Variants in IP6K1 observed in about 807,000 individuals in gnomAD.
IP6K1 encodes the protein inositol hexakisphosphate kinase 1, also known as ATP:1D-myo-inositol-hexakisphosphate phosphotransferase.
Under a neutral mutation model 38.3 loss-of-function variants are expected in IP6K1, and 13 were observed. That is an observed-to-expected ratio of 0.34 (90% CI 0.22 to 0.54). The LOEUF is 0.54. Among genes scored for constraint, IP6K1 ranks in the 20% least tolerant of loss-of-function variants. IP6K1 has a pLI of 0.92. For synonymous variants in IP6K1, 212 were observed against 229.9 expected, an observed-to-expected ratio of 0.92 and a Z score of 0.70; for missense variants, 397 against 599.8, an observed-to-expected ratio of 0.66 and a Z score of 3.53.
At chr3:49,784,456 A>ATC (rs2081093690) in intron 1 of IP6K1, among the ~76,000 whole-genome samples, 2 of 151,650 alleles carry the variant, frequency 1.3e-5, no homozygotes, top group Non-Finnish European at 2.9e-5. Flanking sequence ...ATCAGCCTGA[A>ATC]CAACATGGTG....
Position 49,772,214 on chromosome 3 carries a change from T to TAA in IP6K1, c.-129+14138_-129+14139dup, listed in dbSNP as rs34560942. 2.6e-3 allele frequency among the ~76,000 whole-genome samples: 360 copies of TAA among 139,296 alleles called. 3 individuals are homozygous for TAA. Among genetic ancestry groups the TAA allele is most frequent in the African/African-American group, 5.4e-3 (204 of 37,584 alleles). The allele number at this position is 139,296 out of a possible 152,430, so 91.4% of individuals were successfully genotyped here. On this transcript the variant is annotated intron_variant, in intron 1 of 5. Coordinates refer to ENST00000321599, the MANE Select transcript of IP6K1 (RefSeq NM_153273.4). ...GGTGACAAAACAAGACCCTTTCCCT[T>TAA]AAAAAAAAAAATATATATATATATA...
chr3:49,749,464 C>T (rs370834565), intron 1 of IP6K1, among the ~76,000 whole-genome samples: 1 of 152,168 alleles, frequency 6.6e-6, no homozygotes, highest in Non-Finnish European at 1.5e-5. Flanking sequence ...AGCAAGAATA[C>T]ATCAGAAAGA....
intron 1 of IP6K1, among the ~76,000 whole-genome samples, chr3:49,764,893 A>C (rs1053071838): frequency 6.6e-6 from 1 of 151,862 alleles, no homozygotes; most frequent in African/African-American, 2.4e-5. Context: ...AAAAAAAAAG[A>C]ATCCCAATGA....
At chr3:49,759,368 C>A (rs1375064980) in intron 1 of IP6K1, among the ~76,000 whole-genome samples, 2 of 152,184 alleles carry the variant, frequency 1.3e-5, no homozygotes, top group Non-Finnish European at 2.9e-5. Flanking sequence ...AATACAACTC[C>A]AATGAGTTTT....
In IP6K1 at chr3:49,727,731, C is replaced by T; in HGVS notation, c.793-76G>A. ...TCACAGTGCCCTGGGCAAACACTGT[C>T]TGGAAGGGACTTTGACCAACCTGAG... On this transcript the variant is annotated intron_variant, in intron 5 of 5. Coordinates refer to ENST00000321599, the MANE Select transcript of IP6K1 (RefSeq NM_153273.4). This position sits in a 1 kb window ranked among gnomAD's most constrained non-coding sequence, Gnocchi z 5.9. 2 of 1,462,858 alleles carry T rather than the reference C, an allele frequency of 1.4e-6. No homozygotes were observed. Among genetic ancestry groups the T allele is most frequent in the Non-Finnish European group, 1.9e-6 (2 of 1,079,224 alleles). The allele number at this position is 1,462,858 out of a possible 1,614,324, so 90.6% of individuals were successfully genotyped here. A position where few individuals can be genotyped will look rare whatever the true frequency, so the allele number is the denominator to read the frequency against.
chr3:49,738,957 C>T (rs1232292748), intron 2 of IP6K1, among the ~76,000 whole-genome samples: 3 of 152,240 alleles, frequency 2.0e-5, no homozygotes, highest in South Asian at 4.1e-4. Flanking sequence ...CCTGGCATCT[C>T]GAAGATAAAA....
At chr3:49,786,184 T>A (rs2081111585) in intron 1 of IP6K1, 170 bp downstream of exon 1, 1 of 152,232 alleles carries the variant, frequency 6.6e-6, no homozygotes. Context: ...CCGGCTTCGG[T>A]GCCAGCATCT....
intron 1 of IP6K1, among the ~76,000 whole-genome samples, chr3:49,769,692 G>A (rs951137213): frequency 6.6e-6 from 1 of 152,194 alleles, no homozygotes; most frequent in African/African-American, 2.4e-5. Flanking sequence ...AAGTGACAGT[G>A]TATGACTAGG....
At chr3:49,742,243 T>A (rs1443055738) in intron 2 of IP6K1, among the ~76,000 whole-genome samples, 3 of 152,214 alleles carry the variant, frequency 2.0e-5, no homozygotes, top group African/African-American at 7.2e-5. Context: ...TGAAGCCCAA[T>A]TTAGTCAAAG....
At chr3:49,784,103 G>T (rs761249264) in intron 1 of IP6K1, among the ~76,000 whole-genome samples, 1 of 151,950 alleles carries the variant, frequency 6.6e-6, no homozygotes, top group South Asian at 2.1e-4. Context: ...TGCAACCTCC[G>T]CTTTCCGGGT....
At chr3:49,748,464 C>T (rs901854104) in intron 1 of IP6K1, among the ~76,000 whole-genome samples, 4 of 152,174 alleles carry the variant, frequency 2.6e-5, no homozygotes, top group Admixed American at 6.5e-5. Context: ...CACATTACAA[C>T]CATCAGGAAA....
chr3:49,773,549 T>C (rs945466806), intron 1 of IP6K1, among the ~76,000 whole-genome samples: 4 of 152,134 alleles, frequency 2.6e-5, no homozygotes, highest in Non-Finnish European at 5.9e-5. Context: ...AGGCGGAGCC[T>C]GCAGTGAGCC....
rs2080524128 is a variant in IP6K1, at chr3:49,727,983, G to A, written c.792+120C>T. The stretch of plus-strand genomic sequence containing the variant: ...TCCTGCACCTGAGGCCCATATCAAA[G>A]TCAACAGGTAAGGACAGAGGGGCTC... On this transcript the variant is annotated intron_variant, in intron 5 of 5. Transcript: ENST00000321599. This position sits in a 1 kb window ranked among gnomAD's most constrained non-coding sequence, Gnocchi z 5.9. 9.9e-7 allele frequency: 1 copy of A among 1,010,196 alleles called. No individual in the cohort carries two copies. Among genetic ancestry groups the A allele is most frequent in the Admixed American group, 2.2e-5 (1 of 45,508 alleles). 62.6% of individuals were successfully genotyped at this position (1,010,196 alleles called of 1,614,324 possible).
chr3:49,772,369 A>C (rs1411391105), intron 1 of IP6K1, among the ~76,000 whole-genome samples: 8 of 148,938 alleles, frequency 5.4e-5, no homozygotes, highest in Non-Finnish European at 1.5e-5. Context: ...TATATATAGA[A>C]GGCTATATAT....
chr3:49,735,935 G>A (rs1164508741), intron 3 of IP6K1, among the ~76,000 whole-genome samples: 1 of 151,998 alleles, frequency 6.6e-6, no homozygotes, highest in Non-Finnish European at 1.5e-5. Flanking sequence ...TTTTTCTTGA[G>A]ACAGAGTTTT....
At chr3:49,769,384 T>C (rs966560160) in intron 1 of IP6K1, among the ~76,000 whole-genome samples, 2 of 152,166 alleles carry the variant, frequency 1.3e-5, no homozygotes, top group Non-Finnish European at 2.9e-5. Context: ...GCTACAGTAG[T>C]GGGGTACTGG....
chr3:49,773,580 C>G (rs1475672497), intron 1 of IP6K1, among the ~76,000 whole-genome samples: 1 of 152,202 alleles, frequency 6.6e-6, no homozygotes, highest in African/African-American at 2.4e-5. Context: ...GATCGCACCA[C>G]TGCACTCCAG....
intron 3 of IP6K1, among the ~76,000 whole-genome samples, chr3:49,734,182 T>C (rs2080586397): frequency 6.7e-6 from 1 of 149,862 alleles, no homozygotes; most frequent in Non-Finnish European, 1.5e-5. Flanking sequence ...CACAAAGGAG[T>C]TTTTGTGAGA....
chr3:49,730,188 C>T (rs2080550813), intron 4 of IP6K1, among the ~76,000 whole-genome samples: 1 of 152,098 alleles, frequency 6.6e-6, no homozygotes, highest in Admixed American at 6.5e-5. Flanking sequence ...CCACCGCGCC[C>T]AGCCGCCTAC....
Sources: gnomAD v4.1 joint callset for allele counts (sites outside exome capture counted in the v4.1 genomes callset) on GRCh38, gnomAD v4.1.1 for gene constraint, Gnocchi (gnomAD v3.1) non-coding constraint, MANE v1.5 for transcripts, NCBI Gene and HGNC (gene_info 2026-07-23, HGNC 2026-07-21) for gene names.